Variants in UGT1A8 observed in about 807,000 individuals in gnomAD.
The protein encoded by UGT1A8 is UDP-glucuronosyltransferase 1A8.
Under a neutral mutation model 45.3 loss-of-function variants are expected in UGT1A8, and 39 were observed. The observed-to-expected ratio is 0.86, with a 90% confidence interval of 0.67 to 1.12. The LOEUF (loss-of-function observed/expected upper bound fraction) is 1.12. UGT1A8 is among the 50% of genes most tolerant of loss of function. The pLI is 0.00. For synonymous variants in UGT1A8, 275 were observed against 249.2 expected, an observed-to-expected ratio of 1.10 and a Z score of -0.97; for missense variants, 719 against 664.9, an observed-to-expected ratio of 1.08 and a Z score of -0.90.
At position 233,736,787 on chromosome 2, in the gene UGT1A8, G is replaced by T. The variant is rs564924553; in HGVS notation, c.856-30247G>T. Reference sequence around the variant, plus strand: ...TAACAGTCAGATCCCTCAGCTGCAGGTCTGTTGGAGTTTGCTGGAGGTCCA... The same window carrying T: ...TAACAGTCAGATCCCTCAGCTGCAGTTCTGTTGGAGTTTGCTGGAGGTCCA... On this transcript the variant is annotated intron_variant, in intron 1 of 4. Coordinates refer to ENST00000373450, the MANE Select transcript of UGT1A8 (RefSeq NM_019076.5). Among the ~76,000 whole-genome samples the T allele has an allele frequency of 1.5e-3, 227 of 152,276 alleles. 2 individuals carry two copies. The highest frequency in any genetic ancestry group is 5.1e-3 in the African/African-American group (213 of 41,548).
Position 233,672,926 on chromosome 2 carries a change from C to T in UGT1A8, c.855+54364C>T, listed in dbSNP as rs2074245703. ...TTCCAGTTTAACAAATTATTTTGTG[C>T]CAATGCGTGTACTCGTCAGTAGCAA... On this transcript the variant is annotated intron_variant, in intron 1 of 4. Coordinates refer to ENST00000373450, the MANE Select transcript of UGT1A8 (RefSeq NM_019076.5). 6.1e-6 allele frequency: 9 copies of T among 1,477,470 alleles called. No individual in the cohort carries two copies. In the South Asian group the frequency reaches 1.1e-4, roughly 19 times the overall value. The allele number at this position is 1,477,470 out of a possible 1,614,324, so 91.5% of individuals were successfully genotyped here.
intron 1 of UGT1A8, chr2:233,743,987 G>A (rs576123874): frequency 1.6e-6 from 2 of 1,278,832 alleles, no homozygotes; most frequent in East Asian, 4.9e-5. Flanking sequence ...CCAGGCGCAG[G>A]CCCGAGTGCT....
At chr2:233,631,792 A>G (rs962932524) in intron 1 of UGT1A8, among the ~76,000 whole-genome samples, 4 of 152,096 alleles carry the variant, frequency 2.6e-5, no homozygotes, top group Non-Finnish European at 4.4e-5. Context: ...TTGCCTGTTC[A>G]GTCTGATGAT....
At chr2:233,677,719 C>T (rs1032367387) in intron 1 of UGT1A8, among the ~76,000 whole-genome samples, 5 of 151,718 alleles carry the variant, frequency 3.3e-5, no homozygotes, top group Non-Finnish European at 7.4e-5. Context: ...ACACTTGTAC[C>T]CTCTTGGTGG....
At chr2:233,649,090 T>C in intron 1 of UGT1A8, 1 of 866,568 alleles carries the variant, frequency 1.2e-6, no homozygotes, top group Non-Finnish European at 1.6e-6. Context: ...AAAGATTCCT[T>C]ACGGAACTGG....
chr2:233,629,212 C>T (rs765723214), intron 1 of UGT1A8, among the ~76,000 whole-genome samples: 39 of 152,244 alleles, frequency 2.6e-4, no homozygotes, highest in Non-Finnish European at 5.3e-4. Context: ...TAGAATCATA[C>T]AGCATTTGTC....
At chr2:233,762,422 T>TAG (rs1438123944) in intron 1 of UGT1A8, among the ~76,000 whole-genome samples, 1 of 152,242 alleles carries the variant, frequency 6.6e-6, no homozygotes, top group East Asian at 1.9e-4. Flanking sequence ...TTCTACAAAA[T>TAG]AGAGTAACAG....
intron 1 of UGT1A8, chr2:233,636,988 A>T (rs181093387): frequency 6.2e-7 from 1 of 1,614,144 alleles, no homozygotes; most frequent in Middle Eastern, 1.7e-4. Context: ...CTGTGGCTTA[A>T]TTGTTGCTAA....
intron 1 of UGT1A8, among the ~76,000 whole-genome samples, chr2:233,715,690 T>C (rs568505500): frequency 8.8e-4 from 134 of 152,264 alleles, no homozygotes; most frequent in African/African-American, 3.1e-3. Flanking sequence ...GAGGATCACT[T>C]GATCCCAGGA....
At chr2:233,686,355 AG>A (rs1282593411) in intron 1 of UGT1A8, among the ~76,000 whole-genome samples, 1 of 152,178 alleles carries the variant, frequency 6.6e-6, no homozygotes, top group Non-Finnish European at 1.5e-5. Flanking sequence ...TGTATATCAA[AG>A]GATACTATCA....
Position 233,769,524 on chromosome 2 carries a change from C to T in UGT1A8, c.1295+1085C>T. On this transcript the variant is annotated intron_variant, in intron 4 of 4. Coordinates refer to ENST00000373450, the MANE Select transcript of UGT1A8 (RefSeq NM_019076.5). The surrounding 1 kb of genome is among the most constrained non-coding windows in gnomAD (Gnocchi z 4.4). ...CCATTGCTTTCTCCCATGGTTACCT[C>T]CTTTAGAAAGAAGCAGCAGTCAGGA... 1 of 1,612,860 alleles carries T rather than the reference C, an allele frequency of 6.2e-7. No homozygotes were observed.
chr2:233,720,704 C>CT (rs796417980), intron 1 of UGT1A8, among the ~76,000 whole-genome samples: 446 of 139,112 alleles, frequency 3.2e-3, no homozygotes, highest in South Asian at 5.2e-3. Context: ...GGGAGCCATC[C>CT]TTTTTTTTTT....
chr2:233,685,707 A>G (rs2074750782), intron 1 of UGT1A8, among the ~76,000 whole-genome samples: 1 of 152,230 alleles, frequency 6.6e-6, no homozygotes, highest in South Asian at 2.1e-4. Flanking sequence ...ATAATTTTCA[A>G]TATCTTGCTG....
chr2:233,663,141 C>A (rs530934811), intron 1 of UGT1A8, among the ~76,000 whole-genome samples: 14 of 152,250 alleles, frequency 9.2e-5, no homozygotes, highest in African/African-American at 3.4e-4. Flanking sequence ...TTGCCCATTC[C>A]CCTCTCCTCC....
chr2:233,669,770 G>T (rs947936191), intron 1 of UGT1A8, among the ~76,000 whole-genome samples: 1 of 152,078 alleles, frequency 6.6e-6, no homozygotes. Flanking sequence ...TGCAACCTCC[G>T]CTTCCCGGGT....
chr2:233,647,986 A>G (rs1439596581), intron 1 of UGT1A8: 2 of 1,607,674 alleles, frequency 1.2e-6, no homozygotes, highest in Non-Finnish European at 1.7e-6. Context: ...ACTCATTCTC[A>G]GGGGGCATGA....
intron 1 of UGT1A8, among the ~76,000 whole-genome samples, chr2:233,757,535 A>AATATATATACATATATATATAT (rs376887521): frequency 4.4e-4 from 39 of 88,152 alleles, no homozygotes; most frequent in African/African-American, 6.0e-4. Flanking sequence ...GCCTGTAAGG[A>AATATATATACATATATATATAT]ATATATATAT....
At chr2:233,667,499 A>G (rs1396101725) in intron 1 of UGT1A8, among the ~76,000 whole-genome samples, 2 of 152,210 alleles carry the variant, frequency 1.3e-5, no homozygotes, top group African/African-American at 4.8e-5. Flanking sequence ...AAAACACCAA[A>G]AGCAGTGGCA....
chr2:233,682,919 T>C, intron 1 of UGT1A8: 1 of 1,479,824 alleles, frequency 6.8e-7, no homozygotes, highest in Non-Finnish European at 8.9e-7. Flanking sequence ...TAAGGAATTC[T>C]TTTGTACCAA....
Sources: gnomAD v4.1 joint callset for allele counts (sites outside exome capture counted in the v4.1 genomes callset) on GRCh38, gnomAD v4.1.1 for gene constraint, Gnocchi (gnomAD v3.1) non-coding constraint, MANE v1.5 for transcripts, NCBI Gene and HGNC (gene_info 2026-07-23, HGNC 2026-07-21) for gene names.